The following USP28 variants were observed in gnomAD, a reference collection of about 807,000 sequenced individuals.
USP28 encodes ubiquitin carboxyl-terminal hydrolase 28.
Under a neutral mutation model 145.0 loss-of-function variants are expected in USP28, and 113 were observed. The observed-to-expected ratio is 0.78, with a 90% CI of 0.67 to 0.91. USP28 has a LOEUF of 0.91. Among genes scored for constraint, USP28 ranks in the 40% least tolerant of loss-of-function variants. The probability of loss-of-function intolerance (pLI) is 0.00; values close to 1 mark genes in which losing one functional copy is unlikely to be tolerated. For synonymous variants in USP28, 447 were observed against 450.9 expected, an observed-to-expected ratio of 0.99 and a Z score of 0.11; for missense variants, 1,201 against 1,289.6, an observed-to-expected ratio of 0.93 and a Z score of 1.05.
At chr11:113,814,440 C>A (rs552762953) in intron 14 of USP28, among the ~76,000 whole-genome samples, 2 of 152,128 alleles carry the variant, frequency 1.3e-5, no homozygotes, top group Non-Finnish European at 2.9e-5. Context: ...GAATACAATG[C>A]TGAATAATCC....
In USP28 at chr11:113,816,136, T is replaced by C. The variant is rs560265846; in HGVS notation, c.1464-754A>G. The stretch of plus-strand genomic sequence containing the variant: ...CTGCAGGTCAACAAACCAGCAGGAA[T>C]ATAAAATAAGCTTCTAATTGTAGTT... On this transcript the variant is annotated intron_variant, in intron 13 of 24. Transcript: ENST00000003302. Among the ~76,000 whole-genome samples, 12 of 152,310 alleles carry C rather than the reference T, an allele frequency of 7.9e-5. 1 individual carries two copies. The South Asian group carries it at 1.0e-3, about 13-fold the overall frequency.
chr11:113,862,799 C>A (rs532908632), intron 1 of USP28, among the ~76,000 whole-genome samples: 2 of 152,196 alleles, frequency 1.3e-5, no homozygotes, highest in East Asian at 3.9e-4. Flanking sequence ...CAATGGTCAC[C>A]TTGATTGATA....
chr11:113,832,736 G>A (rs1028313935), intron 7 of USP28, among the ~76,000 whole-genome samples: 1 of 151,992 alleles, frequency 6.6e-6, no homozygotes, highest in African/African-American at 2.4e-5. Flanking sequence ...ATATGAGGAA[G>A]AAGATGATCT....
intron 23 of USP28, 41 bp from the exon 25 acceptor site, chr11:113,801,719 A>G: frequency 6.7e-7 from 1 of 1,495,194 alleles, no homozygotes; most frequent in Non-Finnish European, 9.1e-7. Context: ...AGAGTCTGAA[A>G]AAGATAAATA....
chr11:113,819,825 T>C (rs1342120924), intron 12 of USP28, among the ~76,000 whole-genome samples: 2 of 152,130 alleles, frequency 1.3e-5, no homozygotes, highest in South Asian at 2.1e-4. Flanking sequence ...GTTCAAGTGA[T>C]TCTCCTGCCT....
intron 1 of USP28, among the ~76,000 whole-genome samples, chr11:113,868,983 G>A (rs1303199935): frequency 6.6e-6 from 1 of 151,510 alleles, no homozygotes; most frequent in Non-Finnish European, 1.5e-5. Flanking sequence ...AATCTCATAT[G>A]AGGCCCTTAT....
chr11:113,817,720 T>C (rs1941952625), exon 13 of USP28: 4 of 1,614,136 alleles, frequency 2.5e-6, no homozygotes, highest in African/African-American at 1.3e-5. Context: ...ATGTCATATG[T>C]GTGTCACTTT....
At chr11:113,861,878 G>C (rs752761430) in intron 1 of USP28, among the ~76,000 whole-genome samples, 2 of 152,110 alleles carry the variant, frequency 1.3e-5, no homozygotes, top group Non-Finnish European at 2.9e-5. Flanking sequence ...CTCCAAAAAT[G>C]AAGGAAAATA....
chr11:113,863,024 G>A (rs1362917902), intron 1 of USP28, among the ~76,000 whole-genome samples: 6 of 152,106 alleles, frequency 3.9e-5, no homozygotes, highest in Admixed American at 1.3e-4. Flanking sequence ...ACACTGTACT[G>A]GAAGTTTAAG....
intron 16 of USP28, 126 bp downstream of exon 16, chr11:113,812,150 T>C (rs1190463567): frequency 4.7e-6 from 3 of 643,238 alleles, no homozygotes; most frequent in African/African-American, 1.8e-5. Context: ...ATACTGTCTA[T>C]ATTTTTTAAA....
intron 4 of USP28, among the ~76,000 whole-genome samples, chr11:113,841,095 G>A (rs1031490112): frequency 3.9e-5 from 6 of 152,146 alleles, no homozygotes; most frequent in Non-Finnish European, 8.8e-5. Flanking sequence ...GGGCAGGAGA[G>A]ACACTGTGCT....
chr11:113,830,943 G>T (rs760806252), exon 9 of USP28: 1 of 1,613,898 alleles, frequency 6.2e-7, no homozygotes, highest in African/African-American at 1.3e-5. Flanking sequence ...TCCTGGGACT[G>T]CTGCTTTTAG....
At chr11:113,827,468 T>G (rs1943510507) in intron 10 of USP28, 108 bp from the exon 11 acceptor site, 2 of 1,213,080 alleles carry the variant, frequency 1.6e-6, no homozygotes, top group East Asian at 2.9e-5. Context: ...GGTATAGAAC[T>G]TATACTCAAG....
In USP28 at chr11:113,815,128, A is replaced by G. The variant is rs756736796; in HGVS notation, c.1672+46T>C. The G allele has an allele frequency of 7.0e-6, 11 of 1,578,644 alleles. No homozygotes were observed. The African/African-American group carries it at 1.5e-4, about 21-fold the overall frequency. ...GGTGCTTAACCTCCAAATAGTCAAA[A>G]AACAGAAAAAGCAAAGAGTAACTGA... is the stretch of plus-strand genomic sequence containing the variant. On this transcript the variant is annotated intron_variant, in intron 14 of 24. Coordinates refer to ENST00000003302, the Ensembl canonical transcript of USP28.
At chr11:113,817,612 A>C (rs1941932078) in intron 13 of USP28, 46 bp downstream of exon 13, 1 of 1,591,224 alleles carries the variant, frequency 6.3e-7, no homozygotes, top group Non-Finnish European at 8.6e-7. Context: ...TTTAAATTAT[A>C]CCAGAAAAAC....
chr11:113,852,582 C>T (rs747185432), exon 3 of USP28: 16 of 1,614,170 alleles, frequency 9.9e-6, no homozygotes, highest in Non-Finnish European at 1.4e-5. Context: ...GGCTCCTTAA[C>T]TCTCTCATCA....
exon 25 of USP28, chr11:113,799,128 G>A (rs557561689): frequency 2.7e-5 from 33 of 1,232,538 alleles, no homozygotes; most frequent in East Asian, 1.4e-4. Context: ...GGGTCTGATC[G>A]GAATCTTATG....
At chr11:113,804,789 C>T (rs754190751) in intron 20 of USP28, 38 bp from the exon 22 acceptor site, 1 of 1,611,968 alleles carries the variant, frequency 6.2e-7, no homozygotes, top group Non-Finnish European at 8.5e-7. Context: ...TGAAAAGGCA[C>T]AGGGCAAAAC....
At chr11:113,823,545 C>G (rs1942934916) in intron 12 of USP28, 60 bp downstream of exon 12, 1 of 1,270,152 alleles carries the variant, frequency 7.9e-7, no homozygotes, top group East Asian at 2.5e-5. Flanking sequence ...TAAAGAAAAA[C>G]AAATTATCTG....
Sources: gnomAD v4.1 joint callset for allele counts (sites outside exome capture counted in the v4.1 genomes callset) on GRCh38, gnomAD v4.1.1 for gene constraint, MANE v1.5 for transcripts, NCBI Gene and HGNC (gene_info 2026-07-23, HGNC 2026-07-21) for gene names.